The following RIN3 variants were observed in gnomAD, a reference collection of about 807,000 sequenced individuals.
The protein encoded by RIN3 is Ras and Rab interactor 3.
A neutral mutation model predicts 76.3 loss-of-function variants in RIN3; 54 were observed. The observed-to-expected ratio is 0.71, with a 90% CI of 0.57 to 0.89. The LOEUF (loss-of-function observed/expected upper bound fraction) is 0.89, where lower values mean the gene tolerates loss of function less well. RIN3 is among the 40% of genes least tolerant of loss of function. The pLI is 0.00. For missense variants in RIN3, 1,256 were observed against 1,322.1 expected (o/e 0.95, Z 0.78); for synonymous variants, 576 against 564.0 (o/e 1.02, Z -0.30).
rs1235216239 is a variant in RIN3 at position 92,652,197 on chromosome 14, C to T, written c.1148C>T (p.Pro383Leu). The stretch of plus-strand genomic sequence containing the variant: ...CCACTGCCTGCGAAGAAGAACCTTC[C>T]CACTGCCCCTCCCAGACGCCGCGTT... ...APPLPAKKNL[P>L]TAPPRRRVSE... Residue 383 changes from proline (P) to leucine (L), a missense_variant, in exon 6 of 10, where the codon CCC (proline) becomes CTC (leucine). Coordinates refer to ENST00000216487, the MANE Select transcript of RIN3 (RefSeq NM_024832.5). The surrounding 1 kb of genome is among the most constrained non-coding windows in gnomAD (Gnocchi z 6.4). The T allele has an allele frequency of 6.2e-7, 1 of 1,605,776 alleles. No homozygotes were observed. Among genetic ancestry groups the T allele is most frequent in the South Asian group, 1.1e-5 (1 of 90,658 alleles).
At chr14:92,561,042 A>AAAAAAAAT (rs1897751733) in intron 2 of RIN3, among the ~76,000 whole-genome samples, 1 of 19,364 alleles carries the variant, frequency 5.2e-5, no homozygotes, top group Non-Finnish European at 1.0e-4. Context: ...AAAAAAAAAA[A>AAAAAAAAT]AAATATATAT....
chr14:92,549,253 C>T (rs55718194), intron 1 of RIN3, among the ~76,000 whole-genome samples: 18,761 of 152,154 alleles, frequency 0.12, 1,190 homozygotes, highest in East Asian at 0.21. Flanking sequence ...TCCGGTTCTC[C>T]CTTTCCGTCA....
At position 92,680,765 on chromosome 14, in the gene RIN3, G is replaced by C. The variant is rs558070745; in HGVS notation, c.2467+4159G>C. Among the ~76,000 whole-genome samples, 56 of 152,352 alleles carry C rather than the reference G, an allele frequency of 3.7e-4. 1 individual carries two copies. The highest frequency in any genetic ancestry group is 1.3e-3 in the African/African-American group (56 of 41,580). On this transcript the variant is annotated intron_variant, in intron 8 of 9. Coordinates refer to ENST00000216487, the MANE Select transcript of RIN3 (RefSeq NM_024832.5). Reference sequence around the variant, plus strand: ...ACAGAAAGCCTGCAAGTTGGATTCTGTGCACCTTGGGACCTTCAAATTCTC... The same window carrying C: ...ACAGAAAGCCTGCAAGTTGGATTCTCTGCACCTTGGGACCTTCAAATTCTC...
chr14:92,641,434 C>T lies in RIN3; in HGVS notation c.532+105C>T, dbSNP rs111611102. On this transcript the variant is annotated intron_variant, in intron 5 of 9. Coordinates refer to ENST00000216487, the MANE Select transcript of RIN3 (RefSeq NM_024832.5). Reference sequence around the variant, plus strand: ...TGCAGAGGGACAGCCTGAGTCCCAGCTCCCATGGGACCACCCACACCCCTG... The same window carrying T: ...TGCAGAGGGACAGCCTGAGTCCCAGTTCCCATGGGACCACCCACACCCCTG... 4.4e-3 allele frequency: 3,473 copies of T among 794,792 alleles called. 81 individuals carry two copies. In the African/African-American group the frequency reaches 0.049, roughly 11 times the overall value. The allele number at this position is 794,792 out of a possible 1,614,324, so 49.2% of individuals were successfully genotyped here.
chr14:92,562,619 C>T (rs1029124491), intron 2 of RIN3, among the ~76,000 whole-genome samples: 5 of 152,176 alleles, frequency 3.3e-5, no homozygotes, highest in South Asian at 2.1e-4. Context: ...TTTGGCCCCT[C>T]GAGTCCTTCA....
chr14:92,529,684 T>C (rs1461468669), intron 1 of RIN3, among the ~76,000 whole-genome samples: 1 of 152,218 alleles, frequency 6.6e-6, no homozygotes, highest in Admixed American at 6.5e-5. Flanking sequence ...TGCAAACAAG[T>C]GTCCTTGTCG....
rs1887508949 is a variant in RIN3, at chr14:92,652,695, C to G, written c.1646C>G (p.Ser549Cys). ...GVSVMATDQD[S>C]YSTSSTEEEL... ...TCTGTCATGGCCACCGACCAGGACT[C>G]CTACTCCACCAGCAGCACGGAGGAG... The change falls in exon 6 of 10, where the codon TCC becomes TGC. Residue 549 changes from serine (S) to cysteine (C), a missense_variant. Transcript: ENST00000216487. This position sits in a 1 kb window ranked among gnomAD's most constrained non-coding sequence, Gnocchi z 6.4. 1 of 1,613,290 alleles carries G rather than the reference C, an allele frequency of 6.2e-7. No homozygotes were observed. Among genetic ancestry groups the G allele is most frequent in the African/African-American group, 1.3e-5 (1 of 74,916 alleles).
rs1896377729 is a variant in RIN3 at position 92,514,365 on chromosome 14, C to T, written c.44+389C>T. On this transcript the variant is annotated intron_variant, in intron 1 of 9. Coordinates refer to ENST00000216487, the MANE Select transcript of RIN3 (RefSeq NM_024832.5). This position sits in a 1 kb window ranked among gnomAD's most constrained non-coding sequence, Gnocchi z 7.2. ...CAAACAAAACTCGCGGTCCCAGCCC[C>T]GCCAGCCTGCTGCACCCGCTGCTCT... Among the ~76,000 whole-genome samples the T allele has an allele frequency of 6.6e-6, 1 of 152,228 alleles. No individual in the cohort carries two copies. The highest frequency in any genetic ancestry group is 1.5e-5 in the Non-Finnish European group (1 of 68,040).
intron 7 of RIN3, among the ~76,000 whole-genome samples, chr14:92,671,921 G>T (rs1285343316): frequency 1.3e-5 from 2 of 152,178 alleles, no homozygotes; most frequent in Non-Finnish European, 2.9e-5. Context: ...ATTAAACAAG[G>T]ACGGGCCATA....
Position 92,651,676 on chromosome 14 carries a change from C to A in RIN3, c.627C>A (p.Ser209Arg). The change falls in exon 6 of 10, where the codon AGC (serine) becomes AGA (arginine). Residue 209 changes from serine to arginine, a missense_variant. Coordinates refer to ENST00000216487, the MANE Select transcript of RIN3 (RefSeq NM_024832.5). The stretch of plus-strand genomic sequence containing the variant: ...CCCCCGGATTCCCCCTAGTCTCCAG[C>A]CTCAGGCCCACAGCCCATGACGCAA... ...DRAPGFPLVS[S>R]LRPTAHDANC... 6.2e-7 allele frequency: 1 copy of A among 1,614,066 alleles called. No homozygotes were observed. Among genetic ancestry groups the A allele is most frequent in the Non-Finnish European group, 8.5e-7 (1 of 1,179,966 alleles).
intron 1 of RIN3, among the ~76,000 whole-genome samples, chr14:92,529,248 T>C (rs1407914889): frequency 6.6e-6 from 1 of 151,902 alleles, no homozygotes; most frequent in East Asian, 1.9e-4. Context: ...TCAACCTTTT[T>C]TTTTCTTTTT....
chr14:92,601,724 TGGCAC>T (rs1885352245), intron 3 of RIN3, among the ~76,000 whole-genome samples: 1 of 152,108 alleles, frequency 6.6e-6, no homozygotes, highest in Non-Finnish European at 1.5e-5. Flanking sequence ...CTTTCCAGGG[TGGCAC>T]CTTTACCCAG....
At chr14:92,658,931 C>T (rs1471113358) in intron 6 of RIN3, among the ~76,000 whole-genome samples, 2 of 152,192 alleles carry the variant, frequency 1.3e-5, no homozygotes, top group East Asian at 1.9e-4. Flanking sequence ...ATACAATGAC[C>T]AGTTAGCATT....
At chr14:92,586,829 A>T (rs1166638175) in intron 3 of RIN3, among the ~76,000 whole-genome samples, 1 of 152,184 alleles carries the variant, frequency 6.6e-6, no homozygotes, top group Non-Finnish European at 1.5e-5. Context: ...GTAAGCATGT[A>T]CTCTGGGTCA....
At chr14:92,543,618 C>CTTTTT (rs3033757) in intron 1 of RIN3, among the ~76,000 whole-genome samples, 2 of 84,886 alleles carry the variant, frequency 2.4e-5, no homozygotes, top group African/African-American at 5.2e-5. Context: ...AAGGCTTTTG[C>CTTTTT]TTTTTTTTTT....
chr14:92,665,347 CTG>C (rs901134465), intron 7 of RIN3, among the ~76,000 whole-genome samples: 5 of 147,804 alleles, frequency 3.4e-5, no homozygotes, highest in African/African-American at 7.4e-5. Flanking sequence ...CGTTGCGTGA[CTG>C]TATTTCCACA....
intron 1 of RIN3, among the ~76,000 whole-genome samples, chr14:92,521,547 C>T (rs1041016997): frequency 2.0e-5 from 3 of 152,030 alleles, no homozygotes; most frequent in Non-Finnish European, 2.9e-5. Context: ...TTTACAAGAG[C>T]CTGGCACCTC....
At chr14:92,540,600 G>A (rs891427850) in intron 1 of RIN3, among the ~76,000 whole-genome samples, 1 of 152,228 alleles carries the variant, frequency 6.6e-6, no homozygotes, top group Non-Finnish European at 1.5e-5. Flanking sequence ...GCCTGGAACT[G>A]TGTTTTTGTT....
chr14:92,525,757 G>A (rs940479585), intron 1 of RIN3, among the ~76,000 whole-genome samples: 3 of 152,282 alleles, frequency 2.0e-5, no homozygotes, highest in African/African-American at 7.2e-5. Context: ...CTGGAGCCCC[G>A]CTGTGGCCTG....
Sources: allele counts gnomAD v4.1 joint callset (sites outside exome capture counted in the v4.1 genomes callset), GRCh38; gene constraint gnomAD v4.1.1; non-coding constraint Gnocchi (gnomAD v3.1); transcripts MANE v1.5; gene names NCBI Gene and HGNC (gene_info 2026-07-23, HGNC 2026-07-21).